Variants in YAP1 observed in about 807,000 individuals in gnomAD.
The protein encoded by YAP1 is Yes1 associated transcriptional regulator.
YAP1 carries 5 observed loss-of-function variants against 56.9 expected under a neutral mutation model. That is an observed-to-expected ratio of 0.09 (90% confidence interval 0.05 to 0.18). The LOEUF is 0.18. YAP1 is among the 10% of genes least tolerant of loss of function. The probability of loss-of-function intolerance (pLI) is 1.00; values close to 1 mark genes in which losing one functional copy is unlikely to be tolerated. For synonymous variants in YAP1, 265 were observed against 248.1 expected (o/e 1.07, Z -0.64); for missense variants, 539 against 651.8 (o/e 0.83, Z 1.88).
At chr11:102,196,745 C>A (rs1948594724) in intron 4 of YAP1, among the ~76,000 whole-genome samples, 1 of 150,196 alleles carries the variant, frequency 6.7e-6, no homozygotes, top group African/African-American at 2.4e-5. Context: ...GGTGAATTAT[C>A]CCAGTAAAGA....
intron 4 of YAP1, among the ~76,000 whole-genome samples, chr11:102,187,159 A>G (rs1376127127): frequency 6.6e-6 from 1 of 152,204 alleles, no homozygotes; most frequent in Non-Finnish European, 1.5e-5. Flanking sequence ...AGCTGGTTGG[A>G]TAAAATAACT....
intron 2 of YAP1, among the ~76,000 whole-genome samples, chr11:102,122,589 A>G (rs1453046109): frequency 6.6e-6 from 1 of 152,034 alleles, no homozygotes; most frequent in African/African-American, 2.4e-5. Context: ...TTAATACTGT[A>G]AGGTTTATAA....
chr11:102,222,847 A>G (rs1258126030), intron 6 of YAP1, among the ~76,000 whole-genome samples: 1 of 141,824 alleles, frequency 7.1e-6, no homozygotes, highest in Non-Finnish European at 1.5e-5. Context: ...AAATCATCAG[A>G]TGCTATTCTT....
intron 8 of YAP1, among the ~76,000 whole-genome samples, chr11:102,229,158 A>G (rs554421726): frequency 2.6e-5 from 4 of 152,236 alleles, no homozygotes; most frequent in Non-Finnish European, 5.9e-5. Context: ...TGGGAAACCT[A>G]GAAGCAAGGC....
At chr11:102,184,616 G>A (rs1326212729) in intron 3 of YAP1, among the ~76,000 whole-genome samples, 1 of 152,138 alleles carries the variant, frequency 6.6e-6, no homozygotes, top group Non-Finnish European at 1.5e-5. Context: ...TTCCTAATAC[G>A]AATGAAACTG....
chr11:102,112,774 T>G, intron 1 of YAP1: 1 of 985,360 alleles, frequency 1.0e-6, no homozygotes, highest in Non-Finnish European at 1.2e-6. Flanking sequence ...CCCCTCGAAG[T>G]GGGTTTATGG....
intron 6 of YAP1, among the ~76,000 whole-genome samples, chr11:102,212,488 A>G (rs182615690): frequency 1.3e-5 from 2 of 152,354 alleles, no homozygotes; most frequent in Non-Finnish European, 2.9e-5. Context: ...TTAGTTAAAT[A>G]TGGAAATTAT....
At chr11:102,139,038 G>A (rs1025436563) in intron 2 of YAP1, among the ~76,000 whole-genome samples, 2 of 151,790 alleles carry the variant, frequency 1.3e-5, no homozygotes, top group African/African-American at 4.8e-5. Flanking sequence ...TTTCTCTAAA[G>A]GCCCATGAAA....
chr11:102,135,834 A>T (rs1944642392), intron 2 of YAP1, among the ~76,000 whole-genome samples: 1 of 152,232 alleles, frequency 6.6e-6, no homozygotes, highest in Admixed American at 6.5e-5. Flanking sequence ...ATATTTTTGC[A>T]GTTTGCATCT....
intron 8 of YAP1, among the ~76,000 whole-genome samples, chr11:102,228,634 CAAAAAA>C (rs71059544): frequency 0.045 from 1,433 of 31,530 alleles, 11 homozygotes; most frequent in Middle Eastern, 0.089. Flanking sequence ...GACTCCGTCT[CAAAAAA>C]AAAAAAAAAA....
intron 2 of YAP1, among the ~76,000 whole-genome samples, chr11:102,139,088 A>T (rs140643561): frequency 3.0e-4 from 46 of 152,096 alleles, no homozygotes; most frequent in African/African-American, 9.2e-4. Flanking sequence ...TTGAGTGATT[A>T]TAAAAACTGA....
chr11:102,113,711 TAATTACTTAAAACCTAGTAAAA>T, intron 1 of YAP1, among the ~76,000 whole-genome samples: 1 of 152,318 alleles, frequency 6.6e-6, no homozygotes, highest in African/African-American at 2.4e-5. Flanking sequence ...GAAAAAAAAT[TAATTACTTAAAACCTAGTAAAA>T]AATACATATT....
At chr11:102,228,548 T>C (rs1030567637) in intron 8 of YAP1, among the ~76,000 whole-genome samples, 1 of 142,388 alleles carries the variant, frequency 7.0e-6, no homozygotes, top group Admixed American at 7.6e-5. Context: ...GGCAGGAGAA[T>C]CATTTGAACC....
chr11:102,227,131 A>G (rs777440691), intron 7 of YAP1: 11 of 219,864 alleles, frequency 5.0e-5, no homozygotes, highest in Non-Finnish European at 9.1e-5. Flanking sequence ...ATGATATTAC[A>G]GAGAGGAGAA....
At chr11:102,162,987 A>ATTTTTTTTTTT (rs34380636) in intron 3 of YAP1, among the ~76,000 whole-genome samples, 1 of 130,150 alleles carries the variant, frequency 7.7e-6, no homozygotes. Flanking sequence ...TTTTTTTTTC[A>ATTTTTTTTTTT]TTTTTTTTTT....
intron 4 of YAP1, among the ~76,000 whole-genome samples, chr11:102,189,092 A>G (rs1273152946): frequency 1.3e-5 from 2 of 152,070 alleles, no homozygotes; most frequent in East Asian, 3.8e-4. Flanking sequence ...AAGGAGTCAT[A>G]TTAGGAGTGT....
rs530664620 is a variant in YAP1, at chr11:102,205,970, G to A, written c.880G>A (p.Val294Ile). The change falls in exon 5 of 9, where the codon GTC (valine) becomes ATC (isoleucine). Residue 294 changes from valine to isoleucine, a missense_variant. Val to Ile is a conservative substitution (Grantham distance 29, BLOSUM62 3). Around this residue, in one of 4 missense-constraint regions of YAP1, gnomAD observed 414 missense variants for 512.4 expected, o/e 0.81. Transcript: ENST00000282441. ...GGCTCCCCAGAGCCCACAGGGAGGC[G>A]TCATGGGTGGCAGCAACTCCAACCA... ...PLAPQSPQGG[V>I]MGGSNSNQQQ... The A allele has an allele frequency of 1.3e-5, 21 of 1,613,632 alleles. No individual in the cohort carries two copies. Among genetic ancestry groups the A allele is most frequent in the Middle Eastern group, 3.4e-4 (2 of 5,812 alleles).
intron 4 of YAP1, among the ~76,000 whole-genome samples, chr11:102,190,668 T>C (rs773502589): frequency 5.9e-5 from 9 of 152,138 alleles, no homozygotes; most frequent in Admixed American, 2.0e-4. Flanking sequence ...CTGGATGCAG[T>C]GGCTCACGCC....
At chr11:102,223,851 G>A (rs1056760359) in intron 7 of YAP1, 99 bp downstream of exon 7, 38 of 1,452,332 alleles carry the variant, frequency 2.6e-5, no homozygotes, top group Non-Finnish European at 2.6e-5. Context: ...CATCTGTGTG[G>A]GCCAAAAACC....
Sources: gnomAD v4.1 joint callset for allele counts (sites outside exome capture counted in the v4.1 genomes callset) on GRCh38, gnomAD v4.1.1 for gene constraint, gnomAD v4.1.1 regional missense constraint, MANE v1.5 for transcripts, NCBI Gene and HGNC (gene_info 2026-07-23, HGNC 2026-07-21) for gene names.